Variants in ANKRD31 observed in about 807,000 individuals in gnomAD.
ANKRD31 encodes ankyrin repeat domain 31, also known as ankyrin repeat domain-containing protein 31.
Under a neutral mutation model 186.0 loss-of-function variants are expected in ANKRD31, and 147 were observed. The ratio of observed to expected loss-of-function variants is 0.79; its 90% CI spans 0.69 to 0.91. The LOEUF (loss-of-function observed/expected upper bound fraction) is 0.91, where lower values mean the gene tolerates loss of function less well. Among genes scored for constraint, ANKRD31 ranks in the 40% least tolerant of loss-of-function variants. ANKRD31 has a pLI of 0.00. For missense variants in ANKRD31, 1,986 were observed against 2,148.8 expected, an observed-to-expected ratio of 0.92 and a Z score of 1.50; for synonymous variants, 673 against 736.4, an observed-to-expected ratio of 0.91 and a Z score of 1.39.
At chr5:75,131,116 C>T (rs1262050428) in intron 17 of ANKRD31, among the ~76,000 whole-genome samples, 3 of 152,194 alleles carry the variant, frequency 2.0e-5, no homozygotes. Context: ...CCAGCACCGG[C>T]CCGTGAGCAC....
chr5:75,181,476 G>T (rs1175577533), intron 10 of ANKRD31, among the ~76,000 whole-genome samples: 7 of 152,086 alleles, frequency 4.6e-5, no homozygotes, highest in Non-Finnish European at 8.8e-5. Flanking sequence ...CAAAGACTTG[G>T]AACCAACCTA....
intron 9 of ANKRD31, among the ~76,000 whole-genome samples, chr5:75,189,679 T>C (rs1260895933): frequency 3.3e-5 from 5 of 152,200 alleles, no homozygotes; most frequent in Non-Finnish European, 7.3e-5. Flanking sequence ...ATTATAATTA[T>C]GTAATTTTCT....
intron 22 of ANKRD31, among the ~76,000 whole-genome samples, chr5:75,102,861 C>G (rs1213554187): frequency 6.6e-6 from 1 of 152,126 alleles, no homozygotes; most frequent in Non-Finnish European, 1.5e-5. Context: ...AAGGGAATTC[C>G]CGGACCCCTT....
At chr5:75,168,414 ATATGGTTTCTGAGATAAAC>A in intron 11 of ANKRD31, among the ~76,000 whole-genome samples, 1 of 152,312 alleles carries the variant, frequency 6.6e-6, no homozygotes, top group South Asian at 2.1e-4. Flanking sequence ...GCTAAAATAA[ATATGGTTTCTGAGATAAAC>A]CATGTATACT....
At chr5:75,210,796 A>C (rs1263342165) in intron 4 of ANKRD31, 32 bp downstream of exon 4, 4 of 1,443,132 alleles carry the variant, frequency 2.8e-6, no homozygotes, top group Non-Finnish European at 3.7e-6. Context: ...AAATACCTAC[A>C]ACATAATGAA....
chr5:75,201,611 A>G (rs1755826390), intron 5 of ANKRD31, among the ~76,000 whole-genome samples: 1 of 152,178 alleles, frequency 6.6e-6, no homozygotes, highest in South Asian at 2.1e-4. Context: ...TAACAACTTC[A>G]TCTTCAAAAC....
chr5:75,137,801 C>A (rs976213123), intron 17 of ANKRD31, 55 bp downstream of exon 17: 14 of 1,310,172 alleles, frequency 1.1e-5, no homozygotes, highest in African/African-American at 7.5e-5. Flanking sequence ...TCTTCATTTT[C>A]TTCATTCATT....
chr5:75,078,139 T>TA (rs932165942), intron 25 of ANKRD31, among the ~76,000 whole-genome samples: 1 of 152,092 alleles, frequency 6.6e-6, no homozygotes, highest in South Asian at 2.1e-4. Flanking sequence ...AAATTAAGAT[T>TA]AAAAAAATGA....
intron 10 of ANKRD31, among the ~76,000 whole-genome samples, chr5:75,174,006 G>T (rs1414376517): frequency 6.6e-6 from 1 of 152,128 alleles, no homozygotes; most frequent in African/African-American, 2.4e-5. Flanking sequence ...AATCAAAACA[G>T]CATGGTACTC....
intron 9 of ANKRD31, among the ~76,000 whole-genome samples, chr5:75,189,014 AT>A (rs1754923402): frequency 1.3e-5 from 2 of 152,164 alleles, no homozygotes; most frequent in Non-Finnish European, 2.9e-5. Flanking sequence ...CTAGAATAAT[AT>A]ATTATCAAAT....
intron 23 of ANKRD31, among the ~76,000 whole-genome samples, chr5:75,085,593 G>A (rs556548616): frequency 2.0e-4 from 31 of 152,038 alleles, no homozygotes; most frequent in Non-Finnish European, 4.4e-4. Flanking sequence ...GTAGATACAG[G>A]GTTTTGCCAT....
intron 5 of ANKRD31, among the ~76,000 whole-genome samples, chr5:75,204,825 T>C (rs1756050813): frequency 1.3e-5 from 2 of 152,246 alleles, no homozygotes; most frequent in Non-Finnish European, 2.9e-5. Context: ...CTATGTTTTA[T>C]AAATAGACAT....
At chr5:75,171,782 A>G in intron 10 of ANKRD31, among the ~76,000 whole-genome samples, 1 of 151,782 alleles carries the variant, frequency 6.6e-6, no homozygotes. Flanking sequence ...TTTATTATCA[A>G]AACTCTCCCA....
At chr5:75,116,323 TG>T (rs1748253634) in intron 19 of ANKRD31, among the ~76,000 whole-genome samples, 1 of 151,548 alleles carries the variant, frequency 6.6e-6, no homozygotes, top group South Asian at 2.1e-4. Context: ...GACAAGTTAG[TG>T]GGTGCAGCGC....
chr5:75,108,585 G>A (rs1241752708), intron 20 of ANKRD31, among the ~76,000 whole-genome samples: 1 of 152,052 alleles, frequency 6.6e-6, no homozygotes, highest in Non-Finnish European at 1.5e-5. Context: ...TCTGGTTAAA[G>A]TAACTTGAGA....
intron 20 of ANKRD31, among the ~76,000 whole-genome samples, chr5:75,108,324 T>C (rs1025841380): frequency 6.6e-6 from 1 of 152,040 alleles, no homozygotes; most frequent in African/African-American, 2.4e-5. Flanking sequence ...CAAACCACCA[T>C]TACAATAATT....
intron 12 of ANKRD31, among the ~76,000 whole-genome samples, chr5:75,149,552 C>T (rs1005512939): frequency 5.9e-5 from 9 of 151,830 alleles, no homozygotes; most frequent in Non-Finnish European, 1.3e-4. Flanking sequence ...CAAAAAGGTG[C>T]TATTCCTTTG....
chr5:75,207,728 A>G (rs947147948), intron 4 of ANKRD31, among the ~76,000 whole-genome samples: 7 of 152,136 alleles, frequency 4.6e-5, no homozygotes, highest in African/African-American at 1.4e-4. Flanking sequence ...TAAAGCCTAA[A>G]GTAAAACGTA....
At position 75,210,873 on chromosome 5, in the gene ANKRD31, GA is replaced by G. The variant is rs34350267; in HGVS notation, c.289-9del. On this transcript the variant is annotated splice_polypyrimidine_tract_variant and intron_variant, in intron 3 of 25. Coordinates refer to ENST00000506364, the MANE Select transcript of ANKRD31 (RefSeq NM_001372053.1). ...TTCTGTTTCATCTTGAGACTGCTAG[GA>G]AAAAAAAAAGTTTTTTCCAACTGAT... The G allele has an allele frequency of 1.0e-3, 1,469 of 1,401,894 alleles. No homozygotes were observed. The highest frequency in any genetic ancestry group is 3.5e-3 in the Admixed American group (136 of 38,840). 86.8% of individuals were successfully genotyped at this position (1,401,894 alleles called of 1,614,324 possible). A position where few individuals can be genotyped will look rare whatever the true frequency, so the allele number is the denominator to read the frequency against.
Sources: gnomAD v4.1 joint callset for allele counts (sites outside exome capture counted in the v4.1 genomes callset) on GRCh38, gnomAD v4.1.1 for gene constraint, MANE v1.5 for transcripts, NCBI Gene and HGNC (gene_info 2026-07-23, HGNC 2026-07-21) for gene names.